Variants in LILRB2 observed in about 807,000 individuals in gnomAD.
LILRB2 encodes the protein leukocyte immunoglobulin-like receptor subfamily B member 2.
Under a neutral mutation model 72.7 loss-of-function variants are expected in LILRB2, and 47 were observed. The observed-to-expected ratio is 0.65, with a 90% confidence interval of 0.51 to 0.82. The LOEUF (loss-of-function observed/expected upper bound fraction) is 0.82, where lower values mean the gene tolerates loss of function less well. Among genes scored for constraint, LILRB2 ranks in the 40% least tolerant of loss-of-function variants. The probability of loss-of-function intolerance (pLI) is 0.00; values close to 1 mark genes in which losing one functional copy is unlikely to be tolerated. For synonymous variants in LILRB2, 279 were observed against 313.7 expected (o/e 0.89, Z 1.17); for missense variants, 767 against 764.8 (o/e 1.00, Z -0.03).
rs554344845 is a variant in LILRB2, at chr19:54,278,974, G to A, written c.793C>T (p.Arg265Cys). ...TGGGGCTGCCGGCCAGGGAGCTGGC[G>A]AAGGTCACGTTCCCCCTCCTTGTAC... ...VLYKEGERDL[R>C]QLPGRQPQAG... The change falls in exon 6 of 14, where the codon CGC (arginine) becomes TGC (cysteine). Residue 265 changes from arginine to cysteine, a missense_variant. Arg to Cys is a radical substitution (Grantham distance 180, BLOSUM62 -3). This residue lies in a region of LILRB2 where 599 missense variants were observed against 568.2 expected (regional missense o/e 1.05). Coordinates refer to ENST00000314446, the MANE Select transcript of LILRB2 (RefSeq NM_001080978.4). 9 of 1,613,516 alleles carry A rather than the reference G, an allele frequency of 5.6e-6. No homozygotes were observed. The highest frequency in any genetic ancestry group is 1.3e-5 in the African/African-American group (1 of 75,048).
intron 9 of LILRB2, chr19:54,277,306 C>T (rs1226404114): frequency 1.4e-5 from 19 of 1,352,178 alleles, no homozygotes; most frequent in Middle Eastern, 2.5e-4. Context: ...CAGGCCCCCG[C>T]GGAATCGAGT....
intron 6 of LILRB2, 86 bp from the exon 7 acceptor site, chr19:54,278,648 T>C: frequency 3.3e-6 from 5 of 1,517,122 alleles, no homozygotes; most frequent in East Asian, 2.3e-5. Flanking sequence ...CCTCTGTCTC[T>C]GTTTTCTCTG....
chr19:54,275,011 G>C, intron 13 of LILRB2, 182 bp from the exon 14 acceptor site: 1 of 1,609,270 alleles, frequency 6.2e-7, no homozygotes, highest in South Asian at 1.1e-5. Flanking sequence ...CCTAGGTCTG[G>C]AGTGTTTCAC....
At position 54,278,945 on chromosome 19, in the gene LILRB2, A is replaced by G; in HGVS notation, c.822T>C (p.Ala274=). The part of the protein sequence containing the change: ...LRQLPGRQPQ[A]GLSQANFTLG... ...GGGTGAAGTTGGCCTGGGAGAGCCCAGCCTGGGGCTGCCGGCCAGGGAGCT... is the reference window on the plus strand; with the variant it reads ...GGGTGAAGTTGGCCTGGGAGAGCCCGGCCTGGGGCTGCCGGCCAGGGAGCT... The change falls in exon 6 of 14, where the codon GCT becomes GCC. Residue 274 remains alanine, a synonymous_variant. Transcript: ENST00000314446. 6.2e-7 allele frequency: 1 copy of G among 1,614,192 alleles called. No individual in the cohort carries two copies. The highest frequency in any genetic ancestry group is 8.5e-7 in the Non-Finnish European group (1 of 1,180,006).
intron 9 of LILRB2, chr19:54,277,292 G>C: frequency 1.4e-6 from 2 of 1,414,856 alleles, no homozygotes; most frequent in South Asian, 1.2e-5. Flanking sequence ...CAGGTGGGAC[G>C]GGACAGGCCC....
intron 13 of LILRB2, chr19:54,275,457 C>A (rs1373735658): frequency 1.2e-4 from 64 of 524,014 alleles, no homozygotes; most frequent in Admixed American, 4.6e-4. Context: ...CACTCTCTGC[C>A]CTTTCCCTGG....
chr19:54,280,136 A>T, intron 3 of LILRB2, 61 bp from the exon 4 acceptor site: 1 of 1,607,666 alleles, frequency 6.2e-7, no homozygotes, highest in Non-Finnish European at 8.5e-7. Context: ...CTCAGCTCTC[A>T]GCCCAGGACC....
chr19:54,279,017 G>A lies in LILRB2; in HGVS notation c.750C>T (p.Gly250=), dbSNP rs757425262. Residue 250 remains glycine, a synonymous_variant, in exon 6 of 14, where the codon GGC becomes GGT. Transcript: ENST00000314446. ...SLTLQCVSDV[G]YDRFVLYKEG... ...CCTTGTACAGAACAAATCTGTCATA[G>A]CCGACATCAGAGACACACTGGAGGG... 9.9e-6 allele frequency: 16 copies of A among 1,614,206 alleles called. No homozygotes were observed. The South Asian group carries it at 1.3e-4, about 13-fold the overall frequency.
rs939943247 is a variant in LILRB2, at chr19:54,278,200, TGG to T, written c.1258+58_1258+59del. On this transcript the variant is annotated intron_variant, in intron 7 of 13. Coordinates refer to ENST00000314446, the MANE Select transcript of LILRB2 (RefSeq NM_001080978.4). Reference sequence around the variant, plus strand: ...ACTCCATCCCAGCCCAGAGCTCTCCTGGGGGGCAGGGCCTGAGCTGAGCCTTT... The same window carrying T: ...ACTCCATCCCAGCCCAGAGCTCTCCTGGGGCAGGGCCTGAGCTGAGCCTTT... 72 of 1,597,298 alleles carry T rather than the reference TGG, an allele frequency of 4.5e-5. 1 individual carries two copies. The African/African-American group carries it at 5.5e-4, about 12-fold the overall frequency.
intron 7 of LILRB2, 129 bp from the exon 8 acceptor site, chr19:54,278,068 G>A: frequency 1.8e-6 from 2 of 1,084,538 alleles, no homozygotes; most frequent in Non-Finnish European, 2.6e-6. Context: ...TCCTGTCCAT[G>A]ATGCTGGCGA....
rs899679021 is a variant in LILRB2, at chr19:54,277,931, T to A, written c.1267A>T (p.Met423Leu). The change falls in exon 8 of 14, where the codon ATG becomes TTG. Residue 423 changes from methionine (M) to leucine (L), a missense_variant. By Grantham distance (15) the Met-to-Leu change is conservative. This residue lies in a region of LILRB2 where 599 missense variants were observed against 568.2 expected (regional missense o/e 1.05). Transcript: ENST00000314446. Reference sequence around the variant, plus strand: ...CCGGTGGGTGGGGGGCTGGAACCCATGGAGGGTCCTGGGTGAAAGAATGAG... The same window carrying A: ...CCGGTGGGTGGGGGGCTGGAACCCAAGGAGGGTCCTGGGTGAAAGAATGAG... ...PLELVVSGPSMGSSPPPTGPI... is the reference protein window; with the variant it reads ...PLELVVSGPSLGSSPPPTGPI... 2.6e-6 allele frequency: 4 copies of A among 1,529,356 alleles called. No homozygotes were observed. In the African/African-American group the frequency reaches 5.6e-5, roughly 21 times the overall value. 94.7% of individuals were successfully genotyped at this position (1,529,356 alleles called of 1,614,324 possible). A position where few individuals can be genotyped will look rare whatever the true frequency, so the allele number is the denominator to read the frequency against.
At chr19:54,280,787 G>T (rs1445358663) in intron 1 of LILRB2, 174 bp downstream of exon 1, 19 of 462,110 alleles carry the variant, frequency 4.1e-5, no homozygotes, top group Non-Finnish European at 6.8e-5. Context: ...TGTCTGTCTG[G>T]TTTCTCCTCG....
At chr19:54,278,584 G>A (rs371062389) in intron 6 of LILRB2, 22 bp from the exon 7 acceptor site, 2 of 1,612,072 alleles carry the variant, frequency 1.2e-6, no homozygotes, top group Non-Finnish European at 8.5e-7. Context: ...AAGGATGGGT[G>A]AGGGGCTGCC....
Position 54,280,554 on chromosome 19 carries a change from CAG to C in LILRB2, c.-48-12_-48-11del. ...GGATGAGCCCTCGGTGCTGGCGGGACAGAGACACACAGAGAGAAATAGCCTCC... is the reference window on the plus strand; with the variant it reads ...GGATGAGCCCTCGGTGCTGGCGGGACAGACACACAGAGAGAAATAGCCTCC... On this transcript the variant is annotated splice_polypyrimidine_tract_variant and intron_variant, in intron 1 of 13. Transcript: ENST00000314446. 6.2e-7 allele frequency: 1 copy of C among 1,613,490 alleles called. No individual in the cohort carries two copies. The highest frequency in any genetic ancestry group is 8.5e-7 in the Non-Finnish European group (1 of 1,179,622).
intron 10 of LILRB2, 137 bp downstream of exon 10, chr19:54,276,670 G>A (rs1341598620): frequency 6.7e-7 from 1 of 1,494,230 alleles, no homozygotes; most frequent in Non-Finnish European, 9.0e-7. Context: ...CTGACGTTAA[G>A]TGCTTTCTCC....
chr19:54,280,689 C>T, intron 1 of LILRB2, 145 bp from the exon 2 acceptor site: 2 of 1,102,538 alleles, frequency 1.8e-6, no homozygotes, highest in Non-Finnish European at 2.6e-6. Context: ...GCCTGACTCT[C>T]ATTCTTTTAG....
rs770509303 is a variant in LILRB2 at position 54,279,054 on chromosome 19, C to T, written c.713G>A (p.Gly238Glu). Residue 238 changes from glycine to glutamate, a missense_variant, in exon 6 of 14, where the codon GGG becomes GAG. This residue lies in a region of LILRB2 where 599 missense variants were observed against 568.2 expected (regional missense o/e 1.05). Coordinates refer to ENST00000314446, the MANE Select transcript of LILRB2 (RefSeq NM_001080978.4). The part of the protein sequence containing the change: ...SVQPGPVMAP[G>E]ESLTLQCVSD... ...GACACACTGGAGGGTCAGGCTTTCC[C>T]CAGGGGCCATGACAGGACCCGGCTG... The T allele has an allele frequency of 4.3e-6, 7 of 1,614,068 alleles. No individual in the cohort carries two copies. Among genetic ancestry groups the T allele is most frequent in the South Asian group, 1.1e-5 (1 of 91,094 alleles).
intron 8 of LILRB2, 69 bp from the exon 9 acceptor site, chr19:54,277,666 C>G (rs1027071035): frequency 1.3e-6 from 2 of 1,515,794 alleles, no homozygotes; most frequent in African/African-American, 2.8e-5. Context: ...GGCTGCTCCT[C>G]CCCCAGGCTG....
At chr19:54,276,174 C>G (rs1367761876) in intron 12 of LILRB2, 90 bp downstream of exon 12, 1 of 1,597,324 alleles carries the variant, frequency 6.3e-7, no homozygotes, top group Non-Finnish European at 8.6e-7. Context: ...AGCCCCAGAC[C>G]CTTTCCAGCC....
Sources: gnomAD v4.1 joint callset for allele counts on GRCh38, gnomAD v4.1.1 for gene constraint, gnomAD v4.1.1 regional missense constraint, MANE v1.5 for transcripts, NCBI Gene and HGNC (gene_info 2026-07-23, HGNC 2026-07-21) for gene names.